Variants in DENND1A observed in about 807,000 individuals in gnomAD.
DENND1A encodes DENN domain containing 1A.
DENND1A carries 51 observed loss-of-function variants against 113.7 expected under a neutral mutation model. The observed-to-expected ratio is 0.45, with a 90% CI of 0.36 to 0.57. DENND1A has a LOEUF of 0.57. DENND1A is among the 20% of genes least tolerant of loss of function. The pLI is 0.00. For synonymous variants in DENND1A, 565 were observed against 570.8 expected, an observed-to-expected ratio of 0.99 and a Z score of 0.14; for missense variants, 1,258 against 1,395.9, an observed-to-expected ratio of 0.90 and a Z score of 1.57.
chr9:123,573,411 T>C (rs2058463703), intron 12 of DENND1A, among the ~76,000 whole-genome samples: 2 of 152,152 alleles, frequency 1.3e-5, no homozygotes, highest in Non-Finnish European at 2.9e-5. Context: ...TAAAAAAATA[T>C]TGAGTCTTCC....
chr9:123,704,879 T>C (rs1408142685), intron 5 of DENND1A, among the ~76,000 whole-genome samples: 1 of 151,986 alleles, frequency 6.6e-6, no homozygotes, highest in African/African-American at 2.4e-5. Flanking sequence ...TTATTCATAA[T>C]GGATCTAAAT....
intron 2 of DENND1A, among the ~76,000 whole-genome samples, chr9:123,802,842 A>G (rs775999835): frequency 6.6e-6 from 1 of 152,080 alleles, no homozygotes; most frequent in Non-Finnish European, 1.5e-5. Flanking sequence ...AGCTGGGATT[A>G]CAGGCAGGCA....
intron 1 of DENND1A, among the ~76,000 whole-genome samples, chr9:123,893,011 A>C (rs1051363543): frequency 6.6e-6 from 1 of 152,074 alleles, no homozygotes; most frequent in East Asian, 1.9e-4. Context: ...ATAATAAAGA[A>C]TAAGAATAAA....
intron 13 of DENND1A, among the ~76,000 whole-genome samples, chr9:123,551,814 C>A (rs1452773310): frequency 6.6e-6 from 1 of 152,116 alleles, no homozygotes; most frequent in Admixed American, 6.5e-5. Context: ...CACCCAGCCT[C>A]CCCAACAAAC....
chr9:123,870,780 C>T (rs1016205891), intron 2 of DENND1A, among the ~76,000 whole-genome samples: 2 of 151,974 alleles, frequency 1.3e-5, no homozygotes, highest in African/African-American at 4.8e-5. Context: ...GGTTGTCCAA[C>T]CTGGGCAAGT....
At chr9:123,481,531 T>C (rs1348098813) in intron 13 of DENND1A, among the ~76,000 whole-genome samples, 3 of 152,170 alleles carry the variant, frequency 2.0e-5, no homozygotes, top group East Asian at 3.9e-4. Flanking sequence ...GTGAGGAAAC[T>C]GAGGTTCTGA....
intron 11 of DENND1A, among the ~76,000 whole-genome samples, chr9:123,600,542 T>C (rs1337403065): frequency 2.0e-5 from 3 of 152,218 alleles, no homozygotes; most frequent in Non-Finnish European, 2.9e-5. Context: ...AAGATTATTA[T>C]GTATAGGTAT....
intron 5 of DENND1A, among the ~76,000 whole-genome samples, chr9:123,703,084 T>A (rs1269406926): frequency 6.6e-6 from 1 of 152,110 alleles, no homozygotes; most frequent in African/African-American, 2.4e-5. Flanking sequence ...TGGGTTCAAG[T>A]GATTCTCCTG....
At chr9:123,905,327 T>A (rs1852577798) in intron 1 of DENND1A, among the ~76,000 whole-genome samples, 1 of 150,574 alleles carries the variant, frequency 6.6e-6, no homozygotes, top group African/African-American at 2.5e-5. Flanking sequence ...GCTAACATCA[T>A]AATGACAGGA....
intron 13 of DENND1A, among the ~76,000 whole-genome samples, chr9:123,526,450 C>T (rs1410902553): frequency 6.6e-6 from 1 of 152,198 alleles, no homozygotes; most frequent in Non-Finnish European, 1.5e-5. Context: ...AATGTTAATA[C>T]AACCAACAAA....
At position 123,387,790 on chromosome 9, in the gene DENND1A, C is replaced by T. The variant is rs1219928055; in HGVS notation, c.1700G>A (p.Arg567Gln). The T allele has an allele frequency of 7.8e-6, 10 of 1,289,784 alleles. No homozygotes were observed. Among genetic ancestry groups the T allele is most frequent in the African/African-American group, 7.6e-5 (5 of 65,860 alleles). 79.9% of individuals were successfully genotyped at this position (1,289,784 alleles called of 1,614,324 possible). Residue 567 changes from arginine to glutamine, a missense_variant, in exon 22 of 24, where the codon CGG becomes CAG. By Grantham distance (43) the Arg-to-Gln change is conservative. Coordinates refer to ENST00000394215, the MANE Select transcript of DENND1A (RefSeq NM_001352964.2). ...SEDSSDDECQ[R>Q]EEGPSSGFTE... ...GAAGCCAGAGCTCGGGCCCTCTTCC[C>T]GCTGGCATTCATCATCAGAGGAGTC... is the stretch of plus-strand genomic sequence containing the variant.
At chr9:123,921,675 A>C (rs1856281940) in intron 1 of DENND1A, among the ~76,000 whole-genome samples, 2 of 152,186 alleles carry the variant, frequency 1.3e-5, no homozygotes, top group African/African-American at 4.8e-5. Context: ...CACATTCACT[A>C]TGGATCCCTC....
At chr9:123,871,582 T>C (rs539664916) in intron 2 of DENND1A, among the ~76,000 whole-genome samples, 4 of 152,292 alleles carry the variant, frequency 2.6e-5, no homozygotes, top group African/African-American at 7.2e-5. Flanking sequence ...ACTGCTAATA[T>C]AGAAATGTGT....
At chr9:123,608,133 C>T (rs920289828) in intron 11 of DENND1A, among the ~76,000 whole-genome samples, 1 of 152,144 alleles carries the variant, frequency 6.6e-6, no homozygotes, top group Non-Finnish European at 1.5e-5. Flanking sequence ...GTGCTTAGGG[C>T]TGGGTGATGA....
rs772288327 is a variant in DENND1A, at chr9:123,769,571, G to C, written c.133-8C>G. The C allele has an allele frequency of 1.2e-6, 2 of 1,607,032 alleles. No individual in the cohort carries two copies. The highest frequency in any genetic ancestry group is 1.7e-6 in the Non-Finnish European group (2 of 1,177,188). On this transcript the variant is annotated splice_region_variant and splice_polypyrimidine_tract_variant and intron_variant, in intron 3 of 23. Coordinates refer to ENST00000394215, the MANE Select transcript of DENND1A (RefSeq NM_001352964.2). ...CAAAGTCTGTAGAACTTCCTGTGGA[G>C]AGAAAGAGAGATAATTTATACATCT...
At chr9:123,804,614 A>T (rs968525153) in intron 2 of DENND1A, among the ~76,000 whole-genome samples, 3 of 152,156 alleles carry the variant, frequency 2.0e-5, no homozygotes, top group African/African-American at 7.2e-5. Context: ...AGACTCATTT[A>T]TCTAACTGTC....
intron 5 of DENND1A, among the ~76,000 whole-genome samples, chr9:123,726,922 G>T (rs2067749484): frequency 6.6e-6 from 1 of 152,136 alleles, no homozygotes; most frequent in African/African-American, 2.4e-5. Context: ...TTGTCATGGG[G>T]CTGAGTGGGA....
intron 13 of DENND1A, among the ~76,000 whole-genome samples, chr9:123,543,331 C>G (rs2056423766): frequency 6.6e-6 from 1 of 152,184 alleles, no homozygotes; most frequent in Admixed American, 6.5e-5. Flanking sequence ...CAAAGTGATC[C>G]AGATTTCTCT....
chr9:123,817,370 G>A (rs1028179932), intron 2 of DENND1A, among the ~76,000 whole-genome samples: 4 of 152,144 alleles, frequency 2.6e-5, no homozygotes, highest in African/African-American at 9.7e-5. Context: ...ACGCCGGGGG[G>A]TTTAAGGAAA....
Sources: allele counts gnomAD v4.1 joint callset (sites outside exome capture counted in the v4.1 genomes callset), GRCh38; gene constraint gnomAD v4.1.1; transcripts MANE v1.5; gene names NCBI Gene and HGNC (gene_info 2026-07-23, HGNC 2026-07-21).